The following DNAAF1 variants were observed in gnomAD, a reference collection of about 807,000 sequenced individuals.
The protein encoded by DNAAF1 is dynein assembly factor 1, axonemal.
Under a neutral mutation model 71.1 loss-of-function variants are expected in DNAAF1, and 65 were observed. That is an observed-to-expected ratio of 0.91 (90% confidence interval 0.75 to 1.12). DNAAF1 has a LOEUF of 1.12. DNAAF1 is among the 50% of genes most tolerant of loss of function. The probability of loss-of-function intolerance (pLI) is 0.00; values close to 1 mark genes in which losing one functional copy is unlikely to be tolerated. For synonymous variants in DNAAF1, 414 were observed against 354.6 expected (o/e 1.17, Z -1.88); for missense variants, 1,178 against 899.8 (o/e 1.31, Z -3.96).
intron 10 of DNAAF1, chr16:84,174,989 G>C (rs1445575537): frequency 1.4e-5 from 6 of 419,606 alleles, no homozygotes; most frequent in Non-Finnish European, 2.7e-5. Context: ...CCAAGTAGCT[G>C]GGATTACAGG....
chr16:84,152,246 A>T (rs1176229308), intron 3 of DNAAF1, among the ~76,000 whole-genome samples: 1 of 152,230 alleles, frequency 6.6e-6, no homozygotes, highest in African/African-American at 2.4e-5. Flanking sequence ...TAGAGCAAAG[A>T]CCAGGGAGAA....
intron 6 of DNAAF1, among the ~76,000 whole-genome samples, chr16:84,164,668 TA>T (rs1428142785): frequency 6.6e-6 from 1 of 152,224 alleles, no homozygotes; most frequent in African/African-American, 2.4e-5. Context: ...ATTCACCTAC[TA>T]AAAGACATCT....
intron 1 of DNAAF1, among the ~76,000 whole-genome samples, chr16:84,148,596 C>CTCTCTCTCTTTTTTTTT: frequency 2.3e-4 from 10 of 43,574 alleles, no homozygotes; most frequent in African/African-American, 9.2e-4. Context: ...CTCTCTCTCT[C>CTCTCTCTCTTTTTTTTT]TTTTTTTTTT....
intron 5 of DNAAF1, among the ~76,000 whole-genome samples, chr16:84,156,735 C>T (rs934006181): frequency 1.3e-5 from 2 of 152,158 alleles, no homozygotes; most frequent in Non-Finnish European, 2.9e-5. Context: ...AGCTTTCATT[C>T]GCCAACTAGT....
At chr16:84,167,070 G>A (rs537978088) in intron 7 of DNAAF1, among the ~76,000 whole-genome samples, 21 of 152,206 alleles carry the variant, frequency 1.4e-4, no homozygotes, top group Non-Finnish European at 2.8e-4. Context: ...TCAGGGTGTC[G>A]CCTGTACTTC....
chr16:84,154,853 C>T (rs2087336423), intron 4 of DNAAF1, 55 bp downstream of exon 4: 1 of 1,388,266 alleles, frequency 7.2e-7, no homozygotes, highest in African/African-American at 1.4e-5. Context: ...TCACCTTCCC[C>T]TGAGGGATGT....
At chr16:84,165,728 C>G in intron 6 of DNAAF1, 55 bp from the exon 7 acceptor site, 1 of 1,520,934 alleles carries the variant, frequency 6.6e-7, no homozygotes, top group Non-Finnish European at 9.1e-7. Flanking sequence ...GTTGATCAGA[C>G]AGTGTATGTT....
intron 3 of DNAAF1, among the ~76,000 whole-genome samples, chr16:84,152,285 C>A (rs1211251662): frequency 6.6e-6 from 1 of 152,106 alleles, no homozygotes; most frequent in Non-Finnish European, 1.5e-5. Flanking sequence ...CCCAAGGGGA[C>A]AAATAATCCA....
intron 7 of DNAAF1, 160 bp downstream of exon 7, chr16:84,166,109 A>G: frequency 3.0e-6 from 3 of 1,010,188 alleles, no homozygotes; most frequent in Non-Finnish European, 4.3e-6. Context: ...GTTGGAGTGC[A>G]GCAGTGTGAT....
At position 84,170,025 on chromosome 16, in the gene DNAAF1, G is replaced by A. The variant is rs775507447; in HGVS notation, c.1197G>A (p.Pro399=). ...CGGAAAAGCCAAGTGGAGAGGAGCC[G>A]CCTGTGGAGGCTAAAAGAGAGGATG... ...LCPEKPSGEE[P]PVEAKREDGG... The change falls in exon 8 of 12, where the codon CCG becomes CCA. Residue 399 remains proline (P), a synonymous_variant. Transcript: ENST00000378553. 5.1e-5 allele frequency: 82 copies of A among 1,613,724 alleles called. 4 individuals are homozygous for A. The highest frequency in any genetic ancestry group is 6.1e-5 in the Non-Finnish European group (72 of 1,180,028).
chr16:84,148,120 C>T (rs960619071), intron 1 of DNAAF1, among the ~76,000 whole-genome samples: 1 of 152,064 alleles, frequency 6.6e-6, no homozygotes, highest in African/African-American at 2.4e-5. Flanking sequence ...CTTTTCTCCC[C>T]TGTACCCCAC....
rs1316119858 is a variant in DNAAF1 at position 84,149,067 on chromosome 16, A to G, written c.185A>G (p.Gln62Arg). 6.2e-7 allele frequency: 1 copy of G among 1,614,088 alleles called. No homozygotes were observed. Among genetic ancestry groups the G allele is most frequent in the African/African-American group, 1.3e-5 (1 of 74,938 alleles). The change falls in exon 2 of 12, where the codon CAG (glutamine) becomes CGG (arginine). Residue 62 changes from glutamine to arginine, a missense_variant. Transcript: ENST00000378553. Reference protein sequence around the residue: ...GSSDTSYHSQQKQSGDNGSGG... With the variant: ...GSSDTSYHSQRKQSGDNGSGG... ...TCTGACACATCCTACCACAGCCAGC[A>G]GAAACAGAGTGGTGATAATGGGTCA... is the stretch of plus-strand genomic sequence containing the variant.
At position 84,175,920 on chromosome 16, in the gene DNAAF1, C is replaced by T. The variant is rs1249569154; in HGVS notation, c.1699-13C>T. 5 of 1,613,802 alleles carry T rather than the reference C, an allele frequency of 3.1e-6. No homozygotes were observed. In the Admixed American group the frequency reaches 8.3e-5, roughly 27 times the overall value. On this transcript the variant is annotated splice_polypyrimidine_tract_variant and intron_variant, in intron 10 of 11. Coordinates refer to ENST00000378553, the MANE Select transcript of DNAAF1 (RefSeq NM_178452.6). ...AAACAGAAACTTTCAGACACCTTTT[C>T]TTCTGTAAATAGAATATGTGCTTTC...
Position 84,156,885 on chromosome 16 carries a change from CTCT to C in DNAAF1, c.741+1137_741+1139del, listed in dbSNP as rs535271455. Among the ~76,000 whole-genome samples, 535 of 118,954 alleles carry C rather than the reference CTCT, an allele frequency of 4.5e-3. 1 individual carries two copies. The highest frequency in any genetic ancestry group is 5.3e-3 in the Non-Finnish European group (329 of 62,138). The allele number at this position is 118,954 out of a possible 152,430, so 78.0% of individuals were successfully genotyped here. A position where few individuals can be genotyped will look rare whatever the true frequency, so the allele number is the denominator to read the frequency against. ...TTTTTTTTTTTGAGACAGGGTCTTG[CTCT>C]GTCACCCAGGCTGGAGTGCAGTGGT... On this transcript the variant is annotated intron_variant, in intron 5 of 11. Coordinates refer to ENST00000378553, the MANE Select transcript of DNAAF1 (RefSeq NM_178452.6).
intron 5 of DNAAF1, 22 bp downstream of exon 5, chr16:84,155,771 A>G (rs371907133): frequency 6.2e-7 from 1 of 1,613,682 alleles, no homozygotes; most frequent in African/African-American, 1.3e-5. Context: ...AAACAAAAAC[A>G]ACGAAAAAGC....
chr16:84,148,139 T>C (rs1218276403), intron 1 of DNAAF1, among the ~76,000 whole-genome samples: 1 of 152,208 alleles, frequency 6.6e-6, no homozygotes, highest in Non-Finnish European at 1.5e-5. Context: ...ACCCCGTTTC[T>C]AATCCCATTC....
rs112180575 is a variant in DNAAF1, at chr16:84,153,344, T to A, written c.353-1233T>A. ...ATGCAGCAAACCACATGGCACACAT[T>A]TACCTATGCCACAAACCAGCACATC... On this transcript the variant is annotated intron_variant, in intron 3 of 11. Coordinates refer to ENST00000378553, the MANE Select transcript of DNAAF1 (RefSeq NM_178452.6). Among the ~76,000 whole-genome samples the A allele has an allele frequency of 1.4e-3, 211 of 152,250 alleles. 2 individuals are homozygous for A. The highest frequency in any genetic ancestry group is 4.7e-3 in the African/African-American group (197 of 41,550).
chr16:84,168,092 C>T lies in DNAAF1; in HGVS notation c.1031-1767C>T, dbSNP rs566783818. Among the ~76,000 whole-genome samples the T allele has an allele frequency of 2.0e-5, 3 of 152,220 alleles. 1 individual carries two copies. The highest frequency in any genetic ancestry group is 7.2e-5 in the African/African-American group (3 of 41,552). On this transcript the variant is annotated intron_variant, in intron 7 of 11. Coordinates refer to ENST00000378553, the MANE Select transcript of DNAAF1 (RefSeq NM_178452.6). ...GGTCAGAAGCCCAAAATGGGTTTCA[C>T]TGAGCTAAAATCGAGGTGTCTCAGG... is the stretch of plus-strand genomic sequence containing the variant.
rs746765990 is a variant in DNAAF1, at chr16:84,170,230, C to G, written c.1402C>G (p.Leu468Val). 2 of 1,609,408 alleles carry G rather than the reference C, an allele frequency of 1.2e-6. No homozygotes were observed. The highest frequency in any genetic ancestry group is 2.2e-5 in the South Asian group (2 of 90,786). ...TGGAGATCAAGAGCCAGAGGGGACC[C>G]TCCCAGCTGAGACCCTGCTACTGTC... The part of the protein sequence containing the change: ...EDGDQEPEGT[L>V]PAETLLLSPP... Residue 468 changes from leucine (L) to valine (V), a missense_variant, in exon 8 of 12, where the codon CTC (leucine) becomes GTC (valine). By Grantham distance (32) the Leu-to-Val change is conservative. Transcript: ENST00000378553.
Sources: allele counts gnomAD v4.1 joint callset (sites outside exome capture counted in the v4.1 genomes callset), GRCh38; gene constraint gnomAD v4.1.1; transcripts MANE v1.5; gene names NCBI Gene and HGNC (gene_info 2026-07-23, HGNC 2026-07-21).